SH3PXD2A: variants seen among roughly 807,000 people sequenced by gnomAD.
The protein encoded by SH3PXD2A is SH3 and PX domains 2A.
In SH3PXD2A, 32 loss-of-function variants were observed where a neutral mutation model predicts 115.2. The observed-to-expected ratio is 0.28, with a 90% confidence interval of 0.21 to 0.37. The LOEUF is 0.37. SH3PXD2A is among the 10% of genes least tolerant of loss of function. The probability of loss-of-function intolerance (pLI) is 1.00; values close to 1 mark genes in which losing one functional copy is unlikely to be tolerated. For synonymous variants in SH3PXD2A, 610 were observed against 629.1 expected (o/e 0.97, Z 0.45); for missense variants, 1,328 against 1,498.7 (o/e 0.89, Z 1.88).
At position 103,756,394 on chromosome 10, in the gene SH3PXD2A, A is replaced by T. The variant is rs1212524784; in HGVS notation, c.229+10700T>A. ...CTCTTCCAGTGCCCCTCACCTCCTAAGAAGTTGTTGGGGGCCGGAGCTCCT... is the reference window on the plus strand; with the variant it reads ...CTCTTCCAGTGCCCCTCACCTCCTATGAAGTTGTTGGGGGCCGGAGCTCCT... On this transcript the variant is annotated intron_variant, in intron 3 of 14. Coordinates refer to ENST00000369774, the MANE Select transcript of SH3PXD2A (RefSeq NM_001394015.1). The surrounding 1 kb of genome is among the most constrained non-coding windows in gnomAD (Gnocchi z 4.4). Among the ~76,000 whole-genome samples the T allele has an allele frequency of 6.6e-6, 1 of 152,032 alleles. No homozygotes were observed. The highest frequency in any genetic ancestry group is 2.4e-5 in the African/African-American group (1 of 41,382).
chr10:103,682,617 C>G (rs928507895), intron 6 of SH3PXD2A, among the ~76,000 whole-genome samples: 2 of 152,134 alleles, frequency 1.3e-5, no homozygotes, highest in South Asian at 2.1e-4. Flanking sequence ...ATTAGCCAGG[C>G]ATGGTGGCAT....
intron 4 of SH3PXD2A, among the ~76,000 whole-genome samples, chr10:103,729,086 G>A (rs1589432392): frequency 6.6e-6 from 1 of 152,068 alleles, no homozygotes; most frequent in African/African-American, 2.4e-5. Context: ...AGTAGAGACG[G>A]GGTTTCACCA....
chr10:103,846,750 C>G (rs913746541), intron 1 of SH3PXD2A, among the ~76,000 whole-genome samples: 16 of 152,300 alleles, frequency 1.1e-4, no homozygotes, highest in African/African-American at 3.4e-4. Context: ...AGGAGCCAAC[C>G]AACTAGGCCT....
intron 2 of SH3PXD2A, among the ~76,000 whole-genome samples, chr10:103,769,181 T>TGTGCGCGC (rs1554921417): frequency 8.9e-6 from 1 of 112,948 alleles, no homozygotes; most frequent in African/African-American, 3.0e-5. Flanking sequence ...TGTGTGTGTG[T>TGTGCGCGC]GCGCGCGCGC....
At chr10:103,760,876 AT>A (rs994123217) in intron 3 of SH3PXD2A, among the ~76,000 whole-genome samples, 7 of 152,006 alleles carry the variant, frequency 4.6e-5, no homozygotes, top group African/African-American at 1.7e-4. Flanking sequence ...TTAAAAGAAT[AT>A]TTTTTTTAAA....
chr10:103,742,388 CTCTTA>C (rs1462657706), intron 3 of SH3PXD2A, among the ~76,000 whole-genome samples: 1 of 152,240 alleles, frequency 6.6e-6, no homozygotes, highest in African/African-American at 2.4e-5. Context: ...TTCTGCCTTT[CTCTTA>C]TAAGAACACC....
rs1592290243 is a variant in SH3PXD2A, at chr10:103,665,727, C to T, written c.472+2881G>A. The stretch of plus-strand genomic sequence containing the variant: ...GTGATGTCATCCCACAGAGGCCACT[C>T]TGGATCCCCTCTCAGCCAAGGCCTG... On this transcript the variant is annotated intron_variant, in intron 7 of 14. Coordinates refer to ENST00000369774, the MANE Select transcript of SH3PXD2A (RefSeq NM_001394015.1). The surrounding 1 kb of genome is among the most constrained non-coding windows in gnomAD (Gnocchi z 4.0). Among the ~76,000 whole-genome samples the T allele has an allele frequency of 6.6e-6, 1 of 152,250 alleles. No individual in the cohort carries two copies. The highest frequency in any genetic ancestry group is 2.4e-5 in the African/African-American group (1 of 41,470).
At chr10:103,801,404 C>A in intron 1 of SH3PXD2A, 42 bp from the exon 2 acceptor site, 1 of 1,282,852 alleles carries the variant, frequency 7.8e-7, no homozygotes, top group Non-Finnish European at 1.1e-6. Flanking sequence ...GGCTGGATTT[C>A]AAGCTGTCTG....
intron 3 of SH3PXD2A, among the ~76,000 whole-genome samples, chr10:103,739,294 G>A (rs2038417104): frequency 6.6e-6 from 1 of 152,356 alleles, no homozygotes; most frequent in Admixed American, 6.5e-5. Context: ...CAGGCTCCTG[G>A]ATCTGCTGCT....
At chr10:103,619,285 G>A (rs182681694) in intron 10 of SH3PXD2A, among the ~76,000 whole-genome samples, 11 of 152,284 alleles carry the variant, frequency 7.2e-5, no homozygotes, top group South Asian at 2.1e-4. Flanking sequence ...GCCTGCTCCT[G>A]GTTCTGCTCC....
At chr10:103,839,982 G>A (rs2039581606) in intron 1 of SH3PXD2A, among the ~76,000 whole-genome samples, 1 of 152,252 alleles carries the variant, frequency 6.6e-6, no homozygotes, top group African/African-American at 2.4e-5. Flanking sequence ...AGGCTCCGTA[G>A]GGCAAAGGTA....
In SH3PXD2A at chr10:103,661,038, C is replaced by A. The variant is rs200556417; in HGVS notation, c.549G>T (p.Ser183=). 2.5e-4 allele frequency: 408 copies of A among 1,614,166 alleles called. No homozygotes were observed. The highest frequency in any genetic ancestry group is 3.3e-4 in the Non-Finnish European group (392 of 1,180,016). The change falls in exon 8 of 15, where the codon TCG becomes TCT. Residue 183 remains serine, a synonymous_variant. Transcript: ENST00000369774. The part of the protein sequence containing the change: ...VVSNYKKQEN[S]ELSLQAGEVV... Reference sequence around the variant, plus strand: ...CCTCCCCGGCCTGGAGGCTCAGCTCCGAGTTCTCCTGCTTCTTATAGTTGG... The same window carrying A: ...CCTCCCCGGCCTGGAGGCTCAGCTCAGAGTTCTCCTGCTTCTTATAGTTGG...
chr10:103,779,154 T>C (rs746275235), intron 2 of SH3PXD2A, among the ~76,000 whole-genome samples: 9 of 152,168 alleles, frequency 5.9e-5, no homozygotes, highest in Non-Finnish European at 1.0e-4. Flanking sequence ...CTGCAATCTC[T>C]GCCTCCCAGG....
intron 1 of SH3PXD2A, among the ~76,000 whole-genome samples, chr10:103,805,888 C>T (rs907537736): frequency 3.3e-5 from 5 of 152,218 alleles, no homozygotes; most frequent in Non-Finnish European, 5.9e-5. Context: ...AAAATTCACA[C>T]GAAGTCATCT....
At chr10:103,657,492 C>T (rs899726886) in intron 8 of SH3PXD2A, among the ~76,000 whole-genome samples, 4 of 152,190 alleles carry the variant, frequency 2.6e-5, no homozygotes, top group Admixed American at 6.5e-5. Context: ...GTAACAATGG[C>T]GGCTGCATGC....
At chr10:103,670,666 C>T (rs2037445583) in intron 6 of SH3PXD2A, among the ~76,000 whole-genome samples, 1 of 152,202 alleles carries the variant, frequency 6.6e-6, no homozygotes, top group South Asian at 2.1e-4. Context: ...AGAGGGACTC[C>T]AGGGGACCTC....
chr10:103,656,451 A>G (rs1377762948), intron 8 of SH3PXD2A, among the ~76,000 whole-genome samples: 1 of 152,238 alleles, frequency 6.6e-6, no homozygotes, highest in Non-Finnish European at 1.5e-5. Flanking sequence ...TGAGAAACCA[A>G]CGCCACTCAA....
chr10:103,613,120 T>C lies in SH3PXD2A; in HGVS notation c.991A>G (p.Lys331Glu). 1 of 1,613,962 alleles carries C rather than the reference T, an allele frequency of 6.2e-7. No homozygotes were observed. Among genetic ancestry groups the C allele is most frequent in the Non-Finnish European group, 8.5e-7 (1 of 1,179,950 alleles). Residue 331 changes from lysine to glutamate, a missense_variant, in exon 12 of 15, where the codon AAG becomes GAG. By Grantham distance (56) the Lys-to-Glu change is moderately conservative. Coordinates refer to ENST00000369774, the MANE Select transcript of SH3PXD2A (RefSeq NM_001394015.1). ...KKAKDDLPTR[K>E]KNLAGPVEII... is the part of the protein sequence containing the mutation. ...TCCACTGGGCCGGCCAGGTTCTTCTTCCGGGTTGGCAGGTCATCCTTGGCC... is the reference window on the plus strand; with the variant it reads ...TCCACTGGGCCGGCCAGGTTCTTCTCCCGGGTTGGCAGGTCATCCTTGGCC...
intron 1 of SH3PXD2A, among the ~76,000 whole-genome samples, chr10:103,825,119 A>G: frequency 6.6e-6 from 1 of 152,048 alleles, no homozygotes; most frequent in South Asian, 2.1e-4. Context: ...CTAAACCTCT[A>G]CAAATGCATT....
Sources: allele counts gnomAD v4.1 joint callset (sites outside exome capture counted in the v4.1 genomes callset), GRCh38; gene constraint gnomAD v4.1.1; non-coding constraint Gnocchi (gnomAD v3.1); transcripts MANE v1.5; gene names NCBI Gene and HGNC (gene_info 2026-07-23, HGNC 2026-07-21).